Variants in CYTH3 observed in about 807,000 individuals in gnomAD.
CYTH3 encodes the protein cytohesin-3.
In CYTH3, 23 loss-of-function variants were observed where a neutral mutation model predicts 55.1. The ratio of observed to expected loss-of-function variants is 0.42; its 90% CI spans 0.30 to 0.59. The LOEUF (loss-of-function observed/expected upper bound fraction) is 0.59, where lower values mean the gene tolerates loss of function less well. CYTH3 is among the 20% of genes least tolerant of loss of function. The pLI is 0.20. For synonymous variants in CYTH3, 249 were observed against 194.9 expected, an observed-to-expected ratio of 1.28 and a Z score of -2.31; for missense variants, 413 against 524.8, an observed-to-expected ratio of 0.79 and a Z score of 2.08.
intron 1 of CYTH3, among the ~76,000 whole-genome samples, chr7:6,200,182 TCTAA>T (rs1485375514): frequency 6.6e-6 from 1 of 152,236 alleles, no homozygotes. Context: ...TTCAGTACTT[TCTAA>T]CTTTCAAGTT....
In CYTH3 at chr7:6,248,234, A is replaced by AC. The variant is rs545252615; in HGVS notation, c.34+24239dup. ...TAGTATTTAGACCCATCCTCCCCCAACCCCCCCCCAGCCAAAAAAAAAAAA... is the reference window on the plus strand; with the variant it reads ...TAGTATTTAGACCCATCCTCCCCCAACCCCCCCCCCAGCCAAAAAAAAAAAA... On this transcript the variant is annotated intron_variant, in intron 1 of 12. Transcript: ENST00000350796. 5.1e-3 allele frequency among the ~76,000 whole-genome samples: 366 copies of AC among 72,306 alleles called. 4 individuals are homozygous for AC. Among genetic ancestry groups the AC allele is most frequent in the African/African-American group, 0.011 (204 of 18,108 alleles). The allele number at this position is 72,306 out of a possible 152,430, so 47.4% of individuals were successfully genotyped here.
chr7:6,179,247 G>C (rs1562881051), intron 4 of CYTH3, among the ~76,000 whole-genome samples: 1 of 152,162 alleles, frequency 6.6e-6, no homozygotes. Flanking sequence ...ACATGATATG[G>C]AGCAAAAGAC....
At chr7:6,221,129 A>G (rs912435127) in intron 1 of CYTH3, among the ~76,000 whole-genome samples, 1 of 152,200 alleles carries the variant, frequency 6.6e-6, no homozygotes, top group Non-Finnish European at 1.5e-5. Context: ...CTTTACTCGT[A>G]ATATCCTAAG....
chr7:6,259,763 ATATATATATTATATATATATAAT>A (rs1780249021), intron 1 of CYTH3, among the ~76,000 whole-genome samples: 1 of 25,332 alleles, frequency 3.9e-5, no homozygotes, highest in Non-Finnish European at 5.6e-5. Context: ...TATATTATAT[ATATATATATTATATATATATAAT>A]ATATATATAT....
chr7:6,227,071 CTCTG>C (rs1779275201), intron 1 of CYTH3, among the ~76,000 whole-genome samples: 2 of 141,852 alleles, frequency 1.4e-5, no homozygotes, highest in Non-Finnish European at 3.0e-5. Flanking sequence ...CAGAGCAAGA[CTCTG>C]TCTAAAAAAA....
At chr7:6,259,855 A>C (rs1780304647) in intron 1 of CYTH3, among the ~76,000 whole-genome samples, 1 of 91,062 alleles carries the variant, frequency 1.1e-5, no homozygotes, top group Non-Finnish European at 2.0e-5. Context: ...TTTAAGACGG[A>C]TTTTCGCTCT....
rs1783041539 is a variant in CYTH3, at chr7:6,167,363, G to T, written c.824-1553C>A. On this transcript the variant is annotated intron_variant, in intron 9 of 12. Transcript: ENST00000350796. The surrounding 1 kb of genome is among the most constrained non-coding windows in gnomAD (Gnocchi z 5.5). ...GTCCCCGAGACCCTAGGGACAGGAG[G>T]ACAGTGCTGATTCCTTCCAGGCACT... is the stretch of plus-strand genomic sequence containing the variant. Among the ~76,000 whole-genome samples, 1 of 152,162 alleles carries T rather than the reference G, an allele frequency of 6.6e-6. No homozygotes were observed. The highest frequency in any genetic ancestry group is 6.5e-5 in the Admixed American group (1 of 15,288).
At chr7:6,210,443 A>C (rs1164142030) in intron 1 of CYTH3, among the ~76,000 whole-genome samples, 1 of 152,258 alleles carries the variant, frequency 6.6e-6, no homozygotes, top group Non-Finnish European at 1.5e-5. Context: ...ATCAAATTTC[A>C]AATGAGTTTT....
At chr7:6,211,629 G>C (rs1372189936) in intron 1 of CYTH3, among the ~76,000 whole-genome samples, 2 of 152,122 alleles carry the variant, frequency 1.3e-5, no homozygotes, top group African/African-American at 4.8e-5. Flanking sequence ...ACGGTGCCTG[G>C]CCTAAATATA....
intron 9 of CYTH3, among the ~76,000 whole-genome samples, chr7:6,166,561 T>C (rs1387715547): frequency 6.6e-6 from 1 of 152,080 alleles, no homozygotes; most frequent in African/African-American, 2.4e-5. Context: ...CCTCCCTAAG[T>C]GGGGGCCAGC....
intron 1 of CYTH3, among the ~76,000 whole-genome samples, chr7:6,231,254 T>G (rs1779385261): frequency 6.6e-6 from 1 of 152,148 alleles, no homozygotes; most frequent in Non-Finnish European, 1.5e-5. Context: ...TTCAAAACAC[T>G]GATAAACTCT....
chr7:6,239,746 A>C (rs1340068769), intron 1 of CYTH3, among the ~76,000 whole-genome samples: 1 of 152,242 alleles, frequency 6.6e-6, no homozygotes, highest in Non-Finnish European at 1.5e-5. Context: ...ACTAAAGTAG[A>C]AAAGAATACT....
At chr7:6,199,352 A>AT (rs969529927) in intron 1 of CYTH3, among the ~76,000 whole-genome samples, 3 of 152,174 alleles carry the variant, frequency 2.0e-5, no homozygotes, top group South Asian at 2.1e-4. Flanking sequence ...GCCTGAAATG[A>AT]TGGGGGTAGA....
At chr7:6,227,900 C>T (rs1239362137) in intron 1 of CYTH3, among the ~76,000 whole-genome samples, 1 of 152,164 alleles carries the variant, frequency 6.6e-6, no homozygotes, top group Non-Finnish European at 1.5e-5. Flanking sequence ...CAAGTGCTCA[C>T]TTTCTGGAGA....
chr7:6,231,903 C>G (rs1161577380), intron 1 of CYTH3, among the ~76,000 whole-genome samples: 2 of 152,178 alleles, frequency 1.3e-5, no homozygotes, highest in Non-Finnish European at 2.9e-5. Context: ...TCTTCACTGT[C>G]GGAACAGGCT....
At chr7:6,208,855 A>C (rs750895551) in intron 1 of CYTH3, among the ~76,000 whole-genome samples, 34 of 152,290 alleles carry the variant, frequency 2.2e-4, no homozygotes, top group Middle Eastern at 6.8e-3. Flanking sequence ...GCAGTTTTTT[A>C]TAACATGGTC....
chr7:6,177,226 T>A (rs999372646), intron 5 of CYTH3, among the ~76,000 whole-genome samples: 103 of 152,222 alleles, frequency 6.8e-4, no homozygotes, highest in African/African-American at 1.3e-3. Flanking sequence ...ATATTTTTTT[T>A]AAAAAAGCTA....
At position 6,173,059 on chromosome 7, in the gene CYTH3, G is replaced by A. The variant is rs10230837; in HGVS notation, c.449+594C>T. ...CCAGAAGCCCTGCCTCCTCTCCCCC[G>A]GATGCTGCTGAGTGCTGGCTCAGGG... On this transcript the variant is annotated intron_variant, in intron 6 of 12. Transcript: ENST00000350796. 8,981 of 1,072,810 alleles carry A rather than the reference G, an allele frequency of 8.4e-3. 616 individuals carry two copies. The African/African-American group carries it at 0.14, about 17-fold the overall frequency. 66.5% of individuals were successfully genotyped at this position (1,072,810 alleles called of 1,614,324 possible).
intron 1 of CYTH3, among the ~76,000 whole-genome samples, chr7:6,193,574 C>T (rs979309499): frequency 1.3e-5 from 2 of 152,168 alleles, no homozygotes; most frequent in African/African-American, 4.8e-5. Context: ...CCCACAGTGG[C>T]GTAGACCAAG....
Sources: gnomAD v4.1 joint callset for allele counts (sites outside exome capture counted in the v4.1 genomes callset) on GRCh38, gnomAD v4.1.1 for gene constraint, Gnocchi (gnomAD v3.1) non-coding constraint, MANE v1.5 for transcripts, NCBI Gene and HGNC (gene_info 2026-07-23, HGNC 2026-07-21) for gene names.